PTPRM: variants seen among roughly 807,000 people sequenced by gnomAD.
PTPRM encodes protein tyrosine phosphatase receptor type M.
PTPRM carries 47 observed loss-of-function variants against 186.7 expected under a neutral mutation model. The observed-to-expected ratio is 0.25, with a 90% CI of 0.20 to 0.32. The LOEUF (loss-of-function observed/expected upper bound fraction) is 0.32, where lower values mean the gene tolerates loss of function less well. Ranked by LOEUF, PTPRM falls within the 10% of genes least tolerant of loss-of-function variation. The probability of loss-of-function intolerance (pLI) is 1.00; values close to 1 mark genes in which losing one functional copy is unlikely to be tolerated. For missense variants in PTPRM, 1,494 were observed against 1,865.0 expected (o/e 0.80, Z 3.66); for synonymous variants, 668 against 674.9 (o/e 0.99, Z 0.16).
At chr18:7,696,750 A>G (rs1051128025) in intron 1 of PTPRM, among the ~76,000 whole-genome samples, 1 of 152,240 alleles carries the variant, frequency 6.6e-6, no homozygotes, top group East Asian at 1.9e-4. Context: ...TTCCTCTGCC[A>G]TACAACTCAC....
intron 2 of PTPRM, among the ~76,000 whole-genome samples, chr18:7,865,106 A>T (rs1193599069): frequency 6.6e-6 from 1 of 152,042 alleles, no homozygotes; most frequent in Non-Finnish European, 1.5e-5. Flanking sequence ...GGCTGAGAGG[A>T]TGGGTTTTTC....
chr18:8,307,691 C>T (rs540687954), intron 20 of PTPRM, among the ~76,000 whole-genome samples: 1 of 151,906 alleles, frequency 6.6e-6, no homozygotes, highest in Non-Finnish European at 1.5e-5. Context: ...GTAATCCCAG[C>T]TACTCAAAAG....
intron 2 of PTPRM, among the ~76,000 whole-genome samples, chr18:7,823,106 G>T (rs539441765): frequency 2.0e-3 from 299 of 152,202 alleles, no homozygotes; most frequent in Middle Eastern, 3.4e-3. Flanking sequence ...TCTCCTATTT[G>T]TAGTATCCGT....
Position 7,606,156 on chromosome 18 carries a change from C to T in PTPRM, c.73+38265C>T, listed in dbSNP as rs574533547. Among the ~76,000 whole-genome samples, 48 of 152,030 alleles carry T rather than the reference C, an allele frequency of 3.2e-4. No homozygotes were observed. The South Asian group carries it at 5.6e-3, about 18-fold the overall frequency. On this transcript the variant is annotated intron_variant, in intron 1 of 32. Coordinates refer to ENST00000580170, the MANE Select transcript of PTPRM (RefSeq NM_001105244.2). ...TTTGAAAGTCCTGCGGATCTAGTGG[C>T]CTGCACTGGGTGTTTGGAGGAAGAC... is the stretch of plus-strand genomic sequence containing the variant.
chr18:7,755,316 T>G (rs1271206299), intron 1 of PTPRM: 1 of 152,216 alleles, frequency 6.6e-6, no homozygotes, highest in Non-Finnish European at 1.5e-5. Context: ...AGCTTTTTAT[T>G]TTGAAGTTTC....
intron 1 of PTPRM, among the ~76,000 whole-genome samples, chr18:7,743,053 C>A (rs1274140136): frequency 1.3e-5 from 2 of 152,154 alleles, no homozygotes; most frequent in Non-Finnish European, 2.9e-5. Flanking sequence ...TGCATGGCTG[C>A]CACCTAACCA....
intron 29 of PTPRM, among the ~76,000 whole-genome samples, chr18:8,384,223 T>G (rs113883875): frequency 2.4e-4 from 36 of 152,238 alleles, no homozygotes; most frequent in African/African-American, 8.4e-4. Context: ...TTTGGGAGGC[T>G]GAGGCAGGAG....
At chr18:7,642,722 C>T (rs999986613) in intron 1 of PTPRM, among the ~76,000 whole-genome samples, 14 of 151,550 alleles carry the variant, frequency 9.2e-5, no homozygotes, top group African/African-American at 2.7e-4. Context: ...TTGATGTGGT[C>T]GCGCTAACGT....
intron 23 of PTPRM, chr18:8,365,116 C>A (rs2095620311): frequency 6.6e-6 from 1 of 152,224 alleles, no homozygotes; most frequent in Non-Finnish European, 1.5e-5. Flanking sequence ...TACTTTGTTT[C>A]TGTTCCAGAG....
chr18:8,043,667 T>C (rs1832199949), intron 7 of PTPRM, among the ~76,000 whole-genome samples: 1 of 152,092 alleles, frequency 6.6e-6, no homozygotes, highest in Non-Finnish European at 1.5e-5. Flanking sequence ...CCCAACCCTC[T>C]TCCCTCTCCT....
intron 25 of PTPRM, 70 bp from the exon 26 acceptor site, chr18:8,376,392 A>C (rs1199773580): frequency 5.6e-5 from 90 of 1,604,490 alleles, no homozygotes; most frequent in Non-Finnish European, 7.5e-5. Flanking sequence ...CACCTCGATA[A>C]AAAATTTAAA....
At chr18:8,051,591 A>G (rs954994757) in intron 7 of PTPRM, among the ~76,000 whole-genome samples, 2 of 152,142 alleles carry the variant, frequency 1.3e-5, no homozygotes, top group Admixed American at 6.5e-5. Context: ...GGTTTATAAG[A>G]TTGCATCATA....
rs976813703 is a variant in PTPRM at position 7,586,963 on chromosome 18, T to G, written c.73+19072T>G. 1.9e-4 allele frequency among the ~76,000 whole-genome samples: 29 copies of G among 152,218 alleles called. 1 individual carries two copies. On this transcript the variant is annotated intron_variant, in intron 1 of 32. Transcript: ENST00000580170. ...AACTTTACCTCTTTAATTTTTCTCC[T>G]TAAACTGGTACTCCCATTTTCTTTC... is the stretch of plus-strand genomic sequence containing the variant.
intron 3 of PTPRM, among the ~76,000 whole-genome samples, chr18:7,891,201 G>A (rs997141902): frequency 1.3e-5 from 2 of 152,130 alleles, no homozygotes; most frequent in Admixed American, 6.5e-5. Context: ...CTGGAAGATC[G>A]CTTGAGCCTG....
intron 11 of PTPRM, among the ~76,000 whole-genome samples, chr18:8,111,675 G>T (rs1467975910): frequency 6.6e-6 from 1 of 152,026 alleles, no homozygotes; most frequent in African/African-American, 2.4e-5. Context: ...TATTCTTACG[G>T]TTTCTCTATT....
At chr18:7,658,293 A>G (rs1218656362) in intron 1 of PTPRM, among the ~76,000 whole-genome samples, 1 of 149,272 alleles carries the variant, frequency 6.7e-6, no homozygotes, top group Non-Finnish European at 1.5e-5. Flanking sequence ...CTGAGAATCT[A>G]TTAAAAACAT....
At chr18:8,074,091 A>G (rs1339968880) in intron 8 of PTPRM, among the ~76,000 whole-genome samples, 1 of 152,146 alleles carries the variant, frequency 6.6e-6, no homozygotes, top group Non-Finnish European at 1.5e-5. Flanking sequence ...AATTGGAATA[A>G]CTGTAAATGT....
At chr18:8,378,163 A>G (rs2095708461) in intron 26 of PTPRM, 102 bp from the exon 27 acceptor site, 1 of 1,213,950 alleles carries the variant, frequency 8.2e-7, no homozygotes, top group African/African-American at 1.5e-5. Flanking sequence ...TCTCTGGAGG[A>G]ACTGTCTCCA....
At chr18:8,352,843 T>C (rs1277707725) in intron 23 of PTPRM, among the ~76,000 whole-genome samples, 1 of 152,060 alleles carries the variant, frequency 6.6e-6, no homozygotes, top group East Asian at 1.9e-4. Flanking sequence ...GCTAACTTTT[T>C]GTATTTTTAA....
Sources: allele counts gnomAD v4.1 joint callset (sites outside exome capture counted in the v4.1 genomes callset), GRCh38; gene constraint gnomAD v4.1.1; transcripts MANE v1.5; gene names NCBI Gene and HGNC (gene_info 2026-07-23, HGNC 2026-07-21).